MFSD6: variants seen among roughly 807,000 people sequenced by gnomAD.
MFSD6 encodes the protein major facilitator superfamily domain-containing protein 6.
In MFSD6, 26 loss-of-function variants were observed where a neutral mutation model predicts 56.3. The ratio of observed to expected loss-of-function variants is 0.46; its 90% CI spans 0.34 to 0.64. The LOEUF (loss-of-function observed/expected upper bound fraction) is 0.64, where lower values mean the gene tolerates loss of function less well. Ranked by LOEUF, MFSD6 falls within the 30% of genes least tolerant of loss-of-function variation. MFSD6 has a pLI of 0.01. For missense variants in MFSD6, 750 were observed against 986.2 expected (o/e 0.76, Z 3.21); for synonymous variants, 331 against 366.9 (o/e 0.90, Z 1.12).
At chr2:190,477,096 C>G (rs1688374216) in intron 4 of MFSD6, 1 of 176,412 alleles carries the variant, frequency 5.7e-6, no homozygotes, top group Admixed American at 6.6e-5. Context: ...GGAGATATAC[C>G]TAATGTTAAA....
intron 3 of MFSD6, chr2:190,442,537 A>G (rs1686418168): frequency 6.6e-6 from 1 of 152,152 alleles, no homozygotes; most frequent in South Asian, 2.1e-4. Context: ...GGTTCTTAAA[A>G]TAGTCCAAGT....
In MFSD6 at chr2:190,423,568, T is replaced by C. The variant is rs1298910011; in HGVS notation, c.-54+8155T>C. Reference sequence around the variant, plus strand: ...AGGGCTTTTGGGTTGTCTCCACTTTTTGGCTATTATGAAGAAAGCTGCTAT... The same window carrying C: ...AGGGCTTTTGGGTTGTCTCCACTTTCTGGCTATTATGAAGAAAGCTGCTAT... On this transcript the variant is annotated intron_variant, in intron 2 of 7. Coordinates refer to ENST00000392328, the MANE Select transcript of MFSD6 (RefSeq NM_017694.4). The surrounding 1 kb of genome is among the most constrained non-coding windows in gnomAD (Gnocchi z 4.3). Among the ~76,000 whole-genome samples, 1 of 152,248 alleles carries C rather than the reference T, an allele frequency of 6.6e-6. No homozygotes were observed. Among genetic ancestry groups the C allele is most frequent in the Non-Finnish European group, 1.5e-5 (1 of 68,042 alleles).
chr2:190,411,589 TA>T, intron 1 of MFSD6: 1 of 979,456 alleles, frequency 1.0e-6, no homozygotes, highest in Non-Finnish European at 1.2e-6. Flanking sequence ...TTATATAAAC[TA>T]AAAAGGAAAA....
intron 4 of MFSD6, among the ~76,000 whole-genome samples, chr2:190,470,434 T>C (rs1169841108): frequency 6.6e-6 from 1 of 152,238 alleles, no homozygotes; most frequent in Non-Finnish European, 1.5e-5. Flanking sequence ...TAGAAGGCTC[T>C]TGTCATGTAG....
At chr2:190,472,364 A>G (rs1687997520) in intron 4 of MFSD6, among the ~76,000 whole-genome samples, 2 of 152,240 alleles carry the variant, frequency 1.3e-5, no homozygotes, top group South Asian at 2.1e-4. Context: ...ATGGCTAACT[A>G]CAATAACCAA....
In MFSD6 at chr2:190,496,668, A is replaced by G. The variant is rs553945259; in HGVS notation, c.1892-771A>G. Among the ~76,000 whole-genome samples, 151 of 151,680 alleles carry G rather than the reference A, an allele frequency of 1.0e-3. No individual in the cohort carries two copies. Among genetic ancestry groups the G allele is most frequent in the African/African-American group, 3.5e-3 (144 of 41,178 alleles). On this transcript the variant is annotated intron_variant, in intron 6 of 7. Coordinates refer to ENST00000392328, the MANE Select transcript of MFSD6 (RefSeq NM_017694.4). The surrounding 1 kb of genome is among the most constrained non-coding windows in gnomAD (Gnocchi z 4.7). ...TATGTATATGTGTATATGTGTGTGT[A>G]TGTGTGTGTGTATATACACACACAC...
At position 190,431,937 on chromosome 2, in the gene MFSD6, ATCT is replaced by A. The variant is rs760502322; in HGVS notation, c.-53-4036_-53-4034del. ...TCTGGTATTGTTTCATAGTTGCATA[ATCT>A]TCTCTTATTTCTGAAGATAATCATA... is the stretch of plus-strand genomic sequence containing the variant. On this transcript the variant is annotated intron_variant, in intron 2 of 7. Coordinates refer to ENST00000392328, the MANE Select transcript of MFSD6 (RefSeq NM_017694.4). This position sits in a 1 kb window ranked among gnomAD's most constrained non-coding sequence, Gnocchi z 4.4. 2.0e-5 allele frequency among the ~76,000 whole-genome samples: 3 copies of A among 152,084 alleles called. No homozygotes were observed. Among genetic ancestry groups the A allele is most frequent in the African/African-American group, 4.8e-5 (2 of 41,388 alleles).
At chr2:190,448,742 G>T (rs1419955465) in intron 3 of MFSD6, among the ~76,000 whole-genome samples, 1 of 152,164 alleles carries the variant, frequency 6.6e-6, no homozygotes, top group Admixed American at 6.5e-5. Flanking sequence ...GGACTTGGAT[G>T]GGGAACAAAG....
intron 3 of MFSD6, among the ~76,000 whole-genome samples, chr2:190,448,077 A>G (rs1686648168): frequency 6.6e-6 from 1 of 152,158 alleles, no homozygotes; most frequent in African/African-American, 2.4e-5. Context: ...TGCTGAGTTA[A>G]AGAGAGCAGG....
rs896585867 is a variant in MFSD6, at chr2:190,431,631, T to C, written c.-53-4346T>C. Among the ~76,000 whole-genome samples, 2 of 151,822 alleles carry C rather than the reference T, an allele frequency of 1.3e-5. No homozygotes were observed. Among genetic ancestry groups the C allele is most frequent in the Non-Finnish European group, 2.9e-5 (2 of 67,982 alleles). On this transcript the variant is annotated intron_variant, in intron 2 of 7. Coordinates refer to ENST00000392328, the MANE Select transcript of MFSD6 (RefSeq NM_017694.4). The surrounding 1 kb of genome is among the most constrained non-coding windows in gnomAD (Gnocchi z 4.4). Reference sequence around the variant, plus strand: ...GAGGCAGGGGAATCAGGCAGGGAGGTTGCAGTGAGCCGAGATGGCAGCAGT... The same window carrying C: ...GAGGCAGGGGAATCAGGCAGGGAGGCTGCAGTGAGCCGAGATGGCAGCAGT...
rs6751217 is a variant in MFSD6, at chr2:190,495,368, C to T, written c.1892-2071C>T. Among the ~76,000 whole-genome samples, 98,363 of 152,060 alleles carry T rather than the reference C, an allele frequency of 0.65. 32,177 individuals are homozygous for T. The highest frequency in any genetic ancestry group is 0.91 in the East Asian group (4,745 of 5,186). ...CATACATGACATACACAAATGGAAA[C>T]ATATCCCATGCTCATGGATGGGTAG... On this transcript the variant is annotated intron_variant, in intron 6 of 7. Coordinates refer to ENST00000392328, the MANE Select transcript of MFSD6 (RefSeq NM_017694.4). The surrounding 1 kb of genome is among the most constrained non-coding windows in gnomAD (Gnocchi z 4.7).
rs1197862438 is a variant in MFSD6 at position 190,412,115 on chromosome 2, T to A, written c.-175-3177T>A. ...ATGCATATGTACTTGTTAAATACAG[T>A]CCCATAGTTCTATCCAATTCTATGT... On this transcript the variant is annotated intron_variant, in intron 1 of 7. Coordinates refer to ENST00000392328, the MANE Select transcript of MFSD6 (RefSeq NM_017694.4). The surrounding 1 kb of genome is among the most constrained non-coding windows in gnomAD (Gnocchi z 4.1). 11 of 984,068 alleles carry A rather than the reference T, an allele frequency of 1.1e-5. No homozygotes were observed. The highest frequency in any genetic ancestry group is 1.2e-5 in the Non-Finnish European group (10 of 828,814). The allele number at this position is 984,068 out of a possible 1,614,324, so 61.0% of individuals were successfully genotyped here.
In MFSD6 at chr2:190,443,800, A is replaced by G. The variant is rs1178212268; in HGVS notation, c.1532+6239A>G. On this transcript the variant is annotated intron_variant, in intron 3 of 7. Coordinates refer to ENST00000392328, the MANE Select transcript of MFSD6 (RefSeq NM_017694.4). This position sits in a 1 kb window ranked among gnomAD's most constrained non-coding sequence, Gnocchi z 4.2. Reference sequence around the variant, plus strand: ...AGTCTGGGTGTGGCTCACACCTATAATCCCAGCACTTTGGGAGGCTGAGGC... The same window carrying G: ...AGTCTGGGTGTGGCTCACACCTATAGTCCCAGCACTTTGGGAGGCTGAGGC... Among the ~76,000 whole-genome samples, 1 of 152,200 alleles carries G rather than the reference A, an allele frequency of 6.6e-6. No individual in the cohort carries two copies. The highest frequency in any genetic ancestry group is 1.5e-5 in the Non-Finnish European group (1 of 68,034).
At chr2:190,472,609 G>C (rs1358417797) in intron 4 of MFSD6, among the ~76,000 whole-genome samples, 6 of 152,230 alleles carry the variant, frequency 3.9e-5, no homozygotes, top group African/African-American at 1.4e-4. Context: ...ATCTACATCT[G>C]ATTGGTGTAC....
At chr2:190,432,075 A>G (rs1250697115) in intron 2 of MFSD6, among the ~76,000 whole-genome samples, 1 of 152,128 alleles carries the variant, frequency 6.6e-6, no homozygotes, top group Non-Finnish European at 1.5e-5. Context: ...ATGTCTTATA[A>G]TCCTTGGTAA....
chr2:190,483,252 T>A lies in MFSD6; in HGVS notation c.1631-5405T>A, dbSNP rs563530043. ...TGTTTGATATTAACAACAAAATCTC[T>A]CAAAGTAGATAGTTACATTTACTAT... On this transcript the variant is annotated intron_variant, in intron 4 of 7. Transcript: ENST00000392328. Among the ~76,000 whole-genome samples the A allele has an allele frequency of 2.0e-5, 3 of 152,240 alleles. No individual in the cohort carries two copies. In the South Asian group the frequency reaches 6.2e-4, roughly 32 times the overall value.
chr2:190,407,823 C>A (rs1186109910), upstream of MFSD6, among the ~76,000 whole-genome samples: 1 of 152,184 alleles, frequency 6.6e-6, no homozygotes, highest in Non-Finnish European at 1.5e-5. The surrounding 1 kb of genome is among the most constrained non-coding windows in gnomAD (Gnocchi z 5.4). Flanking sequence ...CAACCTGGGA[C>A]AGACGCGGAG....
At chr2:190,420,320 T>C (rs1017725835) in intron 2 of MFSD6, among the ~76,000 whole-genome samples, 11 of 152,002 alleles carry the variant, frequency 7.2e-5, no homozygotes, top group African/African-American at 1.2e-4. Flanking sequence ...GCCCTCTTCC[T>C]GGCTACTAGA....
At position 190,469,880 on chromosome 2, in the gene MFSD6, T is replaced by G; in HGVS notation, c.1630+25T>G. ...GGTAAGTTAACAGCTGGGATTGAAA[T>G]TATTTCTCTGCCTTCCCTGAGCTGT... On this transcript the variant is annotated intron_variant, in intron 4 of 7. Coordinates refer to ENST00000392328, the MANE Select transcript of MFSD6 (RefSeq NM_017694.4). The surrounding 1 kb of genome is among the most constrained non-coding windows in gnomAD (Gnocchi z 5.3). The G allele has an allele frequency of 6.6e-7, 1 of 1,517,954 alleles. No homozygotes were observed. Among genetic ancestry groups the G allele is most frequent in the Non-Finnish European group, 9.1e-7 (1 of 1,098,320 alleles). 94.0% of individuals were successfully genotyped at this position (1,517,954 alleles called of 1,614,324 possible).
Sources: allele counts gnomAD v4.1 joint callset (sites outside exome capture counted in the v4.1 genomes callset), GRCh38; gene constraint gnomAD v4.1.1; non-coding constraint Gnocchi (gnomAD v3.1); transcripts MANE v1.5; gene names NCBI Gene and HGNC (gene_info 2026-07-23, HGNC 2026-07-21).